Variants in CDYL2 observed in about 807,000 individuals in gnomAD.
CDYL2 encodes chromodomain Y-like protein 2.
A neutral mutation model predicts 49.4 loss-of-function variants in CDYL2; 23 were observed. That is an observed-to-expected ratio of 0.47 (90% CI 0.34 to 0.66). CDYL2 has a LOEUF of 0.66. CDYL2 is among the 30% of genes least tolerant of loss of function. The pLI is 0.01. For missense variants in CDYL2, 678 were observed against 656.4 expected, an observed-to-expected ratio of 1.03 and a Z score of -0.36; for synonymous variants, 360 against 268.8, an observed-to-expected ratio of 1.34 and a Z score of -3.32.
At chr16:80,742,833 TTGAGTGGATAAA>T (rs1167056819) in intron 1 of CDYL2, among the ~76,000 whole-genome samples, 2 of 143,934 alleles carry the variant, frequency 1.4e-5, no homozygotes, top group African/African-American at 5.2e-5. Flanking sequence ...GACTGGGTGG[TTGAGTGGATAAA>T]TGAGTGGATA....
At chr16:80,670,842 G>A (rs1224054425) in intron 2 of CDYL2, 1 of 448,550 alleles carries the variant, frequency 2.2e-6, no homozygotes, top group Non-Finnish European at 4.5e-6. Flanking sequence ...TTGCACACGA[G>A]GAAGATAAAA....
chr16:80,748,540 A>AAC (rs1906018424), intron 1 of CDYL2, among the ~76,000 whole-genome samples: 2 of 140,106 alleles, frequency 1.4e-5, no homozygotes, highest in Non-Finnish European at 3.1e-5. Flanking sequence ...AAAAAAAAAA[A>AAC]CTCAGGTGGG....
chr16:80,634,542 T>G (rs528396270), intron 2 of CDYL2, among the ~76,000 whole-genome samples: 1 of 152,082 alleles, frequency 6.6e-6, no homozygotes, highest in Admixed American at 6.5e-5. Context: ...AAATATGTAA[T>G]GTAAATGAAG....
chr16:80,629,815 A>G (rs1445061409), intron 3 of CDYL2, among the ~76,000 whole-genome samples: 2 of 152,186 alleles, frequency 1.3e-5, no homozygotes, highest in African/African-American at 4.8e-5. Context: ...CTCCATTCAC[A>G]AGCAAGGCAA....
chr16:80,698,659 T>G (rs1326403620), intron 1 of CDYL2, among the ~76,000 whole-genome samples: 1 of 152,062 alleles, frequency 6.6e-6, no homozygotes, highest in Non-Finnish European at 1.5e-5. Flanking sequence ...TCTCACAAGA[T>G]CTGATTGTTT....
chr16:80,616,012 C>G (rs1229886208), intron 4 of CDYL2, among the ~76,000 whole-genome samples: 2 of 152,234 alleles, frequency 1.3e-5, no homozygotes, highest in African/African-American at 4.8e-5. Context: ...CCTTCCCCCA[C>G]ATCCAAGGCC....
At chr16:80,787,626 G>A (rs1205976106) in intron 1 of CDYL2, among the ~76,000 whole-genome samples, 1 of 152,062 alleles carries the variant, frequency 6.6e-6, no homozygotes, top group African/African-American at 2.4e-5. Flanking sequence ...TCTCCTCTGT[G>A]TGTGTGTATT....
intron 1 of CDYL2, among the ~76,000 whole-genome samples, chr16:80,773,682 T>A (rs1906984592): frequency 6.6e-6 from 1 of 152,036 alleles, no homozygotes; most frequent in Non-Finnish European, 1.5e-5. Flanking sequence ...AATTAAGAAA[T>A]ATACGTCGAA....
intron 2 of CDYL2, among the ~76,000 whole-genome samples, chr16:80,640,425 C>T (rs747137874): frequency 2.6e-5 from 4 of 152,148 alleles, no homozygotes; most frequent in Non-Finnish European, 4.4e-5. Flanking sequence ...CAGCAATATA[C>T]AGGTACCACG....
intron 2 of CDYL2, among the ~76,000 whole-genome samples, chr16:80,638,286 G>A (rs989253202): frequency 6.6e-6 from 1 of 152,088 alleles, no homozygotes; most frequent in African/African-American, 2.4e-5. Flanking sequence ...TGTTGCCTAG[G>A]CTGGTCTCAA....
At chr16:80,640,049 C>G (rs1908013696) in intron 2 of CDYL2, among the ~76,000 whole-genome samples, 1 of 152,070 alleles carries the variant, frequency 6.6e-6, no homozygotes, top group African/African-American at 2.4e-5. Flanking sequence ...GCCACAAGGG[C>G]TAGACCTCCA....
At chr16:80,712,618 A>G (rs146653898) in intron 1 of CDYL2, among the ~76,000 whole-genome samples, 2 of 152,238 alleles carry the variant, frequency 1.3e-5, no homozygotes, top group East Asian at 1.9e-4. Context: ...GGTGGACTCC[A>G]TAGGTCTCTG....
intron 1 of CDYL2, among the ~76,000 whole-genome samples, chr16:80,687,072 A>G (rs1334593041): frequency 6.6e-6 from 1 of 152,242 alleles, no homozygotes; most frequent in Non-Finnish European, 1.5e-5. Flanking sequence ...TTTCTGGAAG[A>G]GCCTGCAGCT....
chr16:80,787,298 C>T (rs1597133737), intron 1 of CDYL2, among the ~76,000 whole-genome samples: 1 of 152,112 alleles, frequency 6.6e-6, no homozygotes, highest in Non-Finnish European at 1.5e-5. Flanking sequence ...ATTCATTGTT[C>T]CTCAGGTAGA....
chr16:80,695,490 A>G (rs544115010), intron 1 of CDYL2, among the ~76,000 whole-genome samples: 132 of 152,356 alleles, frequency 8.7e-4, no homozygotes, highest in Middle Eastern at 3.4e-3. Flanking sequence ...ACCCAACTAC[A>G]TGCTGCCTAT....
chr16:80,655,022 C>T (rs1386592401), intron 2 of CDYL2, among the ~76,000 whole-genome samples: 1 of 152,198 alleles, frequency 6.6e-6, no homozygotes, highest in East Asian at 1.9e-4. Context: ...GGCACGGTCC[C>T]GTTCGTGGAG....
chr16:80,787,212 A>G (rs1449359626), intron 1 of CDYL2, among the ~76,000 whole-genome samples: 2 of 152,224 alleles, frequency 1.3e-5, no homozygotes, highest in African/African-American at 4.8e-5. Flanking sequence ...TCCACAAGAA[A>G]GAAATGAGTG....
chr16:80,772,358 A>G (rs1389225211), intron 1 of CDYL2, among the ~76,000 whole-genome samples: 2 of 152,226 alleles, frequency 1.3e-5, no homozygotes, highest in East Asian at 3.9e-4. Context: ...TACAGAAATA[A>G]AACACTCAAA....
chr16:80,673,184 G>A (rs996912124), intron 2 of CDYL2, among the ~76,000 whole-genome samples: 2 of 152,120 alleles, frequency 1.3e-5, no homozygotes, highest in African/African-American at 4.8e-5. Flanking sequence ...GCCGGGCATG[G>A]TGGCATGCAC....
Sources: allele counts gnomAD v4.1 joint callset (sites outside exome capture counted in the v4.1 genomes callset), GRCh38; gene constraint gnomAD v4.1.1; transcripts MANE v1.5; gene names NCBI Gene and HGNC (gene_info 2026-07-23, HGNC 2026-07-21).